The following NRG2 variants were observed in gnomAD, a reference collection of about 807,000 sequenced individuals.
The protein encoded by NRG2 is pro-neuregulin-2, membrane-bound isoform.
NRG2 carries 27 observed loss-of-function variants against 73.9 expected under a neutral mutation model. That is an observed-to-expected ratio of 0.37 (90% CI 0.27 to 0.50). The LOEUF is 0.50. Among genes scored for constraint, NRG2 ranks in the 20% least tolerant of loss-of-function variants. The pLI is 0.96. For missense variants in NRG2, 1,126 were observed against 1,210.1 expected (o/e 0.93, Z 1.03); for synonymous variants, 532 against 541.0 (o/e 0.98, Z 0.23).
At chr5:139,971,940 A>G (rs979980238) in intron 1 of NRG2, among the ~76,000 whole-genome samples, 4 of 152,214 alleles carry the variant, frequency 2.6e-5, no homozygotes, top group African/African-American at 9.6e-5. Flanking sequence ...ATACTGATAA[A>G]GAAGAACAAA....
intron 1 of NRG2, among the ~76,000 whole-genome samples, chr5:140,003,884 TC>T (rs904434847): frequency 1.3e-5 from 2 of 152,218 alleles, no homozygotes; most frequent in African/African-American, 4.8e-5. Flanking sequence ...CTTTCACAAA[TC>T]CTGTAAGTCC....
At chr5:139,938,629 TTAC>T (rs1223441272) in intron 1 of NRG2, among the ~76,000 whole-genome samples, 6 of 151,996 alleles carry the variant, frequency 3.9e-5, no homozygotes, top group Non-Finnish European at 8.8e-5. Context: ...CTGCCCAGAA[TTAC>T]AGGCTCAAGC....
chr5:139,873,517 G>A (rs1762990570), intron 3 of NRG2, among the ~76,000 whole-genome samples: 1 of 152,266 alleles, frequency 6.6e-6, no homozygotes, highest in Non-Finnish European at 1.5e-5. Context: ...TCTGGCCAGA[G>A]TGCAGTGTGT....
At chr5:139,972,329 C>T (rs1398173772) in intron 1 of NRG2, among the ~76,000 whole-genome samples, 17 of 152,118 alleles carry the variant, frequency 1.1e-4, no homozygotes, top group Admixed American at 1.0e-3. Flanking sequence ...TTATGTCACA[C>T]AGGAGGAATA....
chr5:139,874,219 C>T (rs1763035835), intron 3 of NRG2, among the ~76,000 whole-genome samples: 1 of 152,228 alleles, frequency 6.6e-6, no homozygotes, highest in African/African-American at 2.4e-5. Context: ...TGTCTATACA[C>T]CCCTGTCAGC....
chr5:140,025,696 G>A (rs188197444), intron 1 of NRG2, among the ~76,000 whole-genome samples: 72 of 152,208 alleles, frequency 4.7e-4, no homozygotes, highest in Non-Finnish European at 2.4e-4. Flanking sequence ...TTCCTTCCAT[G>A]AGCCAGATGC....
intron 1 of NRG2, among the ~76,000 whole-genome samples, chr5:139,939,312 G>A (rs2126418455): frequency 6.8e-6 from 1 of 146,550 alleles, no homozygotes; most frequent in South Asian, 2.2e-4. Flanking sequence ...GTCTTGCTCT[G>A]TTGCCCAGGC....
At chr5:139,958,656 T>A (rs1034460142) in intron 1 of NRG2, among the ~76,000 whole-genome samples, 3 of 151,928 alleles carry the variant, frequency 2.0e-5, no homozygotes, top group African/African-American at 7.3e-5. Context: ...ATAAAAAAAA[T>A]CCCCAAACCA....
At chr5:140,001,335 G>A (rs1468323411) in intron 1 of NRG2, among the ~76,000 whole-genome samples, 1 of 152,130 alleles carries the variant, frequency 6.6e-6, no homozygotes, top group African/African-American at 2.4e-5. Flanking sequence ...TTATGGTAGT[G>A]ATACCATTAG....
At chr5:139,905,955 G>A (rs1416583332) in intron 1 of NRG2, among the ~76,000 whole-genome samples, 3 of 152,150 alleles carry the variant, frequency 2.0e-5, no homozygotes. Context: ...CTCCTTGCTT[G>A]AAGTCTTGCC....
intron 1 of NRG2, among the ~76,000 whole-genome samples, chr5:139,989,779 T>A (rs527703191): frequency 4.4e-5 from 6 of 136,162 alleles, no homozygotes; most frequent in African/African-American, 1.8e-4. Context: ...TATTATTATT[T>A]ATTTTATTTT....
intron 1 of NRG2, among the ~76,000 whole-genome samples, chr5:140,027,480 C>T (rs887464534): frequency 6.6e-6 from 1 of 152,216 alleles, no homozygotes; most frequent in African/African-American, 2.4e-5. Flanking sequence ...AAAAACCATA[C>T]ACTTTTTAAA....
intron 1 of NRG2, among the ~76,000 whole-genome samples, chr5:139,921,648 A>C (rs1030212154): frequency 6.6e-6 from 1 of 152,226 alleles, no homozygotes; most frequent in Admixed American, 6.5e-5. Flanking sequence ...CAAAACTATA[A>C]CACTACTAGA....
rs1325627626 is a variant in NRG2, at chr5:139,915,025, G to C, written c.701-27514C>G. ...TCATCTTTCCCATCCTCAAGGTTGC[G>C]ATCCCTGCACTCCCATACATGGCCC... On this transcript the variant is annotated intron_variant, in intron 1 of 9. Transcript: ENST00000361474. The surrounding 1 kb of genome is among the most constrained non-coding windows in gnomAD (Gnocchi z 4.0). 6.6e-6 allele frequency among the ~76,000 whole-genome samples: 1 copy of C among 152,130 alleles called. No homozygotes were observed. Among genetic ancestry groups the C allele is most frequent in the African/African-American group, 2.4e-5 (1 of 41,434 alleles).
intron 1 of NRG2, among the ~76,000 whole-genome samples, chr5:139,979,283 C>T (rs1429198806): frequency 6.6e-6 from 1 of 152,106 alleles, no homozygotes; most frequent in African/African-American, 2.4e-5. Context: ...TGGACGCCTA[C>T]GTTCAAATTC....
chr5:139,855,841 C>T, intron 5 of NRG2, 63 bp from the exon 6 acceptor site: 1 of 1,319,022 alleles, frequency 7.6e-7, no homozygotes, highest in Non-Finnish European at 1.1e-6. Context: ...GATAGTGGTG[C>T]AGAGACCCCT....
chr5:139,855,173 T>C (rs1395675733), intron 6 of NRG2, among the ~76,000 whole-genome samples: 1 of 152,180 alleles, frequency 6.6e-6, no homozygotes, highest in Non-Finnish European at 1.5e-5. Context: ...GGTCAGGCAG[T>C]GCTTTGAGGC....
intron 3 of NRG2, among the ~76,000 whole-genome samples, chr5:139,878,609 C>T (rs1763332702): frequency 6.6e-6 from 1 of 152,222 alleles, no homozygotes; most frequent in South Asian, 2.1e-4. Flanking sequence ...CCAGTTCCAC[C>T]TCTGAACTTA....
At chr5:140,039,863 A>G (rs1761785773) in intron 1 of NRG2, among the ~76,000 whole-genome samples, 1 of 152,206 alleles carries the variant, frequency 6.6e-6, no homozygotes, top group Non-Finnish European at 1.5e-5. Context: ...CTATTTTGCA[A>G]TGGGCAAATC....
Sources: gnomAD v4.1 joint callset for allele counts (sites outside exome capture counted in the v4.1 genomes callset) on GRCh38, gnomAD v4.1.1 for gene constraint, Gnocchi (gnomAD v3.1) non-coding constraint, MANE v1.5 for transcripts, NCBI Gene and HGNC (gene_info 2026-07-23, HGNC 2026-07-21) for gene names.